SP3: variants seen among roughly 807,000 people sequenced by gnomAD.
SP3 encodes transcription factor Sp3.
Under a neutral mutation model 70.3 loss-of-function variants are expected in SP3, and 10 were observed. The observed-to-expected ratio is 0.14, with a 90% CI of 0.09 to 0.24. SP3 has a LOEUF of 0.24. SP3 is among the 10% of genes least tolerant of loss of function. The pLI is 1.00. For synonymous variants in SP3, 402 were observed against 333.5 expected, an observed-to-expected ratio of 1.21 and a Z score of -2.24; for missense variants, 825 against 914.6, an observed-to-expected ratio of 0.90 and a Z score of 1.26.
At chr2:173,931,300 G>A (rs148649579) in intron 4 of SP3, among the ~76,000 whole-genome samples, 2 of 152,078 alleles carry the variant, frequency 1.3e-5, no homozygotes, top group Admixed American at 1.3e-4. Flanking sequence ...ATGCCAAGGC[G>A]AGCAGATCAC....
chr2:173,963,504 C>T (rs923326201), intron 3 of SP3: 5 of 154,130 alleles, frequency 3.2e-5, no homozygotes, highest in African/African-American at 1.2e-4. Flanking sequence ...ATTTTGGAGT[C>T]CTCTACCCCC....
chr2:173,908,090 T>TA lies in SP3; in HGVS notation c.*1850dup, dbSNP rs1025473268. The TA allele has an allele frequency of 3.3e-5, 5 of 151,890 alleles. No homozygotes were observed. Among genetic ancestry groups the TA allele is most frequent in the Admixed American group, 2.6e-4 (4 of 15,142 alleles). The allele number at this position is 151,890 out of a possible 1,614,324, so 9.4% of individuals were successfully genotyped here. A position where few individuals can be genotyped will look rare whatever the true frequency, so the allele number is the denominator to read the frequency against. On this transcript the variant is annotated 3_prime_UTR_variant, in exon 7 of 7. Coordinates refer to ENST00000310015, the MANE Select transcript of SP3 (RefSeq NM_003111.5). ...ACTCTTTCCTCCTACTCTGCCTTTA[T>TA]AATGATGAAACACATGCAAATTCAA...
At position 173,907,460 on chromosome 2, in the gene SP3, T is replaced by A. The variant is rs1207526609; in HGVS notation, c.*2481A>T. 1.3e-5 allele frequency: 2 copies of A among 152,112 alleles called. No homozygotes were observed. The highest frequency in any genetic ancestry group is 2.9e-5 in the Non-Finnish European group (2 of 67,970). The allele number at this position is 152,112 out of a possible 1,614,324, so 9.4% of individuals were successfully genotyped here. A position where few individuals can be genotyped will look rare whatever the true frequency, so the allele number is the denominator to read the frequency against. On this transcript the variant is annotated 3_prime_UTR_variant, in exon 7 of 7. Transcript: ENST00000310015. ...GAGGTTACATAACTTTGGTAAAAGT[T>A]CCAAAGTTCACTAATATATTCCTAG...
intron 3 of SP3, among the ~76,000 whole-genome samples, chr2:173,960,295 C>T (rs1691025964): frequency 6.6e-6 from 1 of 152,208 alleles, no homozygotes; most frequent in African/African-American, 2.4e-5. Context: ...AAAATTCACA[C>T]CACCTATTGC....
chr2:173,910,308 GCT>G (rs781241191), intron 6 of SP3, 51 bp from the exon 7 acceptor site: 2 of 1,497,238 alleles, frequency 1.3e-6, no homozygotes, highest in Non-Finnish European at 1.8e-6. Flanking sequence ...AACTTTAATA[GCT>G]CAATCATCTC....
At chr2:173,958,594 A>G (rs1320658889) in intron 3 of SP3, among the ~76,000 whole-genome samples, 1 of 151,818 alleles carries the variant, frequency 6.6e-6, no homozygotes, top group Non-Finnish European at 1.5e-5. Flanking sequence ...AAAAAAAAAA[A>G]AGCAACAGGT....
intron 4 of SP3, among the ~76,000 whole-genome samples, chr2:173,929,379 G>A (rs1690005051): frequency 2.0e-5 from 3 of 152,100 alleles, no homozygotes; most frequent in Non-Finnish European, 2.9e-5. Flanking sequence ...TCCAGTCTCA[G>A]CATCAAGATC....
chr2:173,907,163 T>C lies in SP3; in HGVS notation c.*2778A>G, dbSNP rs2105449110. ...AAGTGATACTTTCTTAAATTAAAATTTGAGGTATACAGATAATCGCGTCCA... is the reference window on the plus strand; with the variant it reads ...AAGTGATACTTTCTTAAATTAAAATCTGAGGTATACAGATAATCGCGTCCA... On this transcript the variant is annotated 3_prime_UTR_variant, in exon 7 of 7. Coordinates refer to ENST00000310015, the MANE Select transcript of SP3 (RefSeq NM_003111.5). 1 of 152,268 alleles carries C rather than the reference T, an allele frequency of 6.6e-6. No homozygotes were observed. Among genetic ancestry groups the C allele is most frequent in the Admixed American group, 6.5e-5 (1 of 15,302 alleles). The allele number at this position is 152,268 out of a possible 1,614,324, so 9.4% of individuals were successfully genotyped here.
At chr2:173,936,276 C>CCTA (rs1250777559) in intron 4 of SP3, among the ~76,000 whole-genome samples, 1 of 152,188 alleles carries the variant, frequency 6.6e-6, no homozygotes, top group Non-Finnish European at 1.5e-5. Flanking sequence ...GCCTTGGCCT[C>CCTA]CTAAAGTGCT....
At chr2:173,930,855 C>T (rs190313208) in intron 4 of SP3, among the ~76,000 whole-genome samples, 4 of 152,084 alleles carry the variant, frequency 2.6e-5, no homozygotes, top group African/African-American at 4.8e-5. Flanking sequence ...ATGCAAGCCA[C>T]GTACGTTAAC....
At position 173,903,495 on chromosome 2, in the gene SP3, C is replaced by CA. The variant is rs1689229500; in HGVS notation, c.*6445dup. On this transcript the variant is annotated 3_prime_UTR_variant, in exon 7 of 7. Coordinates refer to ENST00000310015, the MANE Select transcript of SP3 (RefSeq NM_003111.5). ...ATGAATAAAGATGGAAAAAAACACA[C>CA]AGAGTTACTAGGAGTAGAATTGAGA... Among the ~76,000 whole-genome samples, 1 of 151,910 alleles carries CA rather than the reference C, an allele frequency of 6.6e-6. No homozygotes were observed. Among genetic ancestry groups the CA allele is most frequent in the African/African-American group, 2.4e-5 (1 of 41,410 alleles).
rs187547025 is a variant in SP3 at position 173,904,855 on chromosome 2, G to A, written c.*5086C>T. On this transcript the variant is annotated 3_prime_UTR_variant, in exon 7 of 7. Transcript: ENST00000310015. ...GGAGGCTTAGACTTTTTTTTGTGGG[G>A]GAAGGATGGAGGGGAGAAATAACTG... is the stretch of plus-strand genomic sequence containing the variant. Among the ~76,000 whole-genome samples, 187 of 152,208 alleles carry A rather than the reference G, an allele frequency of 1.2e-3. No homozygotes were observed. Among genetic ancestry groups the A allele is most frequent in the Admixed American group, 2.5e-3 (38 of 15,286 alleles).
At chr2:173,965,125 C>T (rs1322552989) in intron 1 of SP3, 40 bp downstream of exon 1, 1 of 1,547,186 alleles carries the variant, frequency 6.5e-7, no homozygotes, top group Non-Finnish European at 8.7e-7. Flanking sequence ...GCAGCGGCGG[C>T]GGCGGCAGCA....
At chr2:173,964,682 C>CT (rs1285228112) in intron 1 of SP3, 129 bp from the exon 2 acceptor site, 2 of 427,990 alleles carry the variant, frequency 4.7e-6, no homozygotes, top group African/African-American at 2.4e-5. Context: ...CCCACCCGCC[C>CT]CCCGGCGGCG....
At chr2:173,943,893 C>T (rs961939874) in intron 4 of SP3, among the ~76,000 whole-genome samples, 1 of 152,186 alleles carries the variant, frequency 6.6e-6, no homozygotes, top group Non-Finnish European at 1.5e-5. Flanking sequence ...TAGTCTACTA[C>T]ATATCTAGGC....
At chr2:173,940,377 C>T (rs562002120) in intron 4 of SP3, among the ~76,000 whole-genome samples, 54 of 152,174 alleles carry the variant, frequency 3.5e-4, no homozygotes, top group Non-Finnish European at 3.8e-4. Flanking sequence ...CAATAGGGTT[C>T]GGGCTCCTAT....
chr2:173,912,578 T>C (rs563615967), intron 6 of SP3, among the ~76,000 whole-genome samples: 1 of 152,266 alleles, frequency 6.6e-6, no homozygotes, highest in Admixed American at 6.5e-5. Flanking sequence ...AAAAATAATA[T>C]AATCAGAGAA....
Position 173,963,653 on chromosome 2 carries a change from G to A in SP3, c.279+108C>T, listed in dbSNP as rs557546370. On this transcript the variant is annotated intron_variant, in intron 3 of 6. Transcript: ENST00000310015. ...CGCCCTGGAGCCCAGCGGCCCGTGCGGGTCGGGGGAAGCGCGGGCGCCGGG... is the reference window on the plus strand; with the variant it reads ...CGCCCTGGAGCCCAGCGGCCCGTGCAGGTCGGGGGAAGCGCGGGCGCCGGG... The A allele has an allele frequency of 2.5e-4, 59 of 236,930 alleles. 1 individual carries two copies. In the Admixed American group the frequency reaches 3.5e-3, roughly 14 times the overall value. The allele number at this position is 236,930 out of a possible 1,614,324, so 14.7% of individuals were successfully genotyped here. A position where few individuals can be genotyped will look rare whatever the true frequency, so the allele number is the denominator to read the frequency against.
At position 173,902,188 on chromosome 2, in the gene SP3, A is replaced by G. The variant is rs961316624; in HGVS notation, c.*7753T>C. On this transcript the variant is annotated 3_prime_UTR_variant, in exon 7 of 7. Coordinates refer to ENST00000310015, the MANE Select transcript of SP3 (RefSeq NM_003111.5). ...CCTACTGGTACCAATTTTTAAATATATCCATTGCTTAGTTTTTCAGGTCCC... is the reference window on the plus strand; with the variant it reads ...CCTACTGGTACCAATTTTTAAATATGTCCATTGCTTAGTTTTTCAGGTCCC... Among the ~76,000 whole-genome samples, 1 of 152,196 alleles carries G rather than the reference A, an allele frequency of 6.6e-6. No individual in the cohort carries two copies. Among genetic ancestry groups the G allele is most frequent in the Non-Finnish European group, 1.5e-5 (1 of 68,032 alleles).
Sources: gnomAD v4.1 joint callset for allele counts (sites outside exome capture counted in the v4.1 genomes callset) on GRCh38, gnomAD v4.1.1 for gene constraint, MANE v1.5 for transcripts, NCBI Gene and HGNC (gene_info 2026-07-23, HGNC 2026-07-21) for gene names.